The following BAZ2B variants were observed in gnomAD, a reference collection of about 807,000 sequenced individuals.
The protein encoded by BAZ2B is bromodomain adjacent to zinc finger domain protein 2B.
In BAZ2B, 91 loss-of-function variants were observed where a neutral mutation model predicts 246.0. The observed-to-expected ratio is 0.37, with a 90% CI of 0.31 to 0.44. The LOEUF is 0.44. BAZ2B is among the 20% of genes least tolerant of loss of function. The pLI, the probability that BAZ2B is intolerant of heterozygous loss-of-function variation, is 1.00. For missense variants in BAZ2B, 2,332 were observed against 2,533.7 expected, an observed-to-expected ratio of 0.92 and a Z score of 1.71; for synonymous variants, 855 against 860.0, an observed-to-expected ratio of 0.99 and a Z score of 0.10.
chr2:159,347,646 A>G lies in BAZ2B; in HGVS notation c.5294T>C (p.Val1765Ala), dbSNP rs747346277. 3.9e-5 allele frequency: 62 copies of G among 1,594,116 alleles called. No homozygotes were observed. The Admixed American group carries it at 1.0e-3, about 27-fold the overall frequency. ...ATTTTCATTCAGTTCAATAATAGCA[A>G]CTACATTTAAAAAGAAATTAATTTA... The part of the protein sequence containing the change: ...ITQACLKNKD[V>A]AIIELNENEE... Residue 1765 changes from valine (V) to alanine (A), a missense_variant and splice_region_variant, in exon 31 of 37, where the codon GTT becomes GCT. Val to Ala is a moderately conservative substitution (Grantham distance 64, BLOSUM62 0). Around this residue, in one of 9 missense-constraint regions of BAZ2B, gnomAD observed 676 missense variants for 668.6 expected, o/e 1.01. Coordinates refer to ENST00000392783, the MANE Select transcript of BAZ2B (RefSeq NM_013450.4).
intron 18 of BAZ2B, chr2:159,398,082 G>GT (rs1312960962): frequency 4.6e-5 from 7 of 152,072 alleles, no homozygotes; most frequent in African/African-American, 1.7e-4. Flanking sequence ...AAAAAATAAA[G>GT]TAAGACAGTC....
chr2:159,559,655 T>C (rs554948820), intron 1 of BAZ2B, among the ~76,000 whole-genome samples: 4 of 152,266 alleles, frequency 2.6e-5, no homozygotes, highest in Non-Finnish European at 5.9e-5. Context: ...ATACATGACT[T>C]AATAGGTACT....
At chr2:159,570,220 TGTGGCCCAGGCTGGAGTGCA>T (rs1683650515) in intron 1 of BAZ2B, among the ~76,000 whole-genome samples, 1 of 151,566 alleles carries the variant, frequency 6.6e-6, no homozygotes, top group African/African-American at 2.4e-5. Context: ...ACTCTCGCTC[TGTGGCCCAGGCTGGAGTGCA>T]GTGGCGCAAT....
At chr2:159,584,076 T>C (rs1278417556) in intron 1 of BAZ2B, among the ~76,000 whole-genome samples, 2 of 151,910 alleles carry the variant, frequency 1.3e-5, no homozygotes, top group African/African-American at 2.4e-5. Context: ...GTAAGATCAT[T>C]GTAAAGTCAT....
intron 3 of BAZ2B, among the ~76,000 whole-genome samples, chr2:159,473,953 C>G (rs920681591): frequency 2.0e-5 from 3 of 152,142 alleles, no homozygotes; most frequent in Non-Finnish European, 4.4e-5. Flanking sequence ...TGTTCTTTTG[C>G]ACTTGCTGAG....
chr2:159,598,970 T>A (rs111280805), intron 1 of BAZ2B, among the ~76,000 whole-genome samples: 293 of 152,208 alleles, frequency 1.9e-3, no homozygotes, highest in African/African-American at 6.9e-3. Flanking sequence ...TAACTGGGTG[T>A]GGTGGCTCAT....
intron 20 of BAZ2B, 78 bp downstream of exon 20, chr2:159,395,691 T>A (rs933968039): frequency 1.5e-6 from 2 of 1,318,294 alleles, no homozygotes; most frequent in East Asian, 5.1e-5. Flanking sequence ...TTCTGAAAAA[T>A]TTATATTTAG....
intron 3 of BAZ2B, among the ~76,000 whole-genome samples, chr2:159,457,304 T>C (rs745803047): frequency 6.6e-6 from 1 of 152,214 alleles, no homozygotes; most frequent in African/African-American, 2.4e-5. Context: ...AGTTTGTTAA[T>C]ATTTCAGTAT....
downstream of BAZ2B, among the ~76,000 whole-genome samples, chr2:159,316,639 G>A (rs1331667827): frequency 6.6e-5 from 8 of 121,896 alleles, no homozygotes; most frequent in Admixed American, 8.0e-4. Flanking sequence ...GCAGTGAGCC[G>A]AGATTGCACC....
chr2:159,428,423 C>T lies in BAZ2B; in HGVS notation c.2256-4G>A. On this transcript the variant is annotated splice_polypyrimidine_tract_variant and splice_region_variant and intron_variant, in intron 11 of 36. Coordinates refer to ENST00000392783, the MANE Select transcript of BAZ2B (RefSeq NM_013450.4). ...TATTCTTGTCTCTCTCTGCCAGCTA[C>T]ACATAACAGAAATGAAGGTTATGAC... is the stretch of plus-strand genomic sequence containing the variant. 1.2e-6 allele frequency: 2 copies of T among 1,605,696 alleles called. No individual in the cohort carries two copies. The highest frequency in any genetic ancestry group is 1.7e-6 in the Non-Finnish European group (2 of 1,174,272).
the BAZ2B span, among the ~76,000 whole-genome samples, chr2:159,667,755 C>T: frequency 3.9e-5 from 6 of 152,068 alleles, no homozygotes; most frequent in South Asian, 2.1e-4. Flanking sequence ...CATTGGTCCA[C>T]GGGCTTTTCA....
At chr2:159,345,663 T>C (rs2067661788) in intron 31 of BAZ2B, among the ~76,000 whole-genome samples, 2 of 152,246 alleles carry the variant, frequency 1.3e-5, no homozygotes, top group Middle Eastern at 3.4e-3. Context: ...CAACCAACAG[T>C]CAACTAGAAT....
intron 3 of BAZ2B, among the ~76,000 whole-genome samples, chr2:159,471,442 T>A (rs980919376): frequency 6.6e-6 from 1 of 151,828 alleles, no homozygotes; most frequent in African/African-American, 2.4e-5. Flanking sequence ...CAAAAAAAAA[T>A]TTTAAAAATT....
At chr2:159,586,936 CCCT>C (rs1688142137) in intron 1 of BAZ2B, among the ~76,000 whole-genome samples, 1 of 152,134 alleles carries the variant, frequency 6.6e-6, no homozygotes, top group African/African-American at 2.4e-5. Context: ...TTTCTCTCCT[CCCT>C]CAAGTACATC....
intron 6 of BAZ2B, chr2:159,444,394 T>C (rs2073934678): frequency 6.6e-6 from 1 of 152,216 alleles, no homozygotes; most frequent in African/African-American, 2.4e-5. Context: ...TCAAGCTTCT[T>C]AGCATTACCA....
chr2:159,341,997 G>A (rs372379107), intron 31 of BAZ2B, among the ~76,000 whole-genome samples: 95 of 152,132 alleles, frequency 6.2e-4, no homozygotes, highest in African/African-American at 1.8e-3. Context: ...CAAATTAGTA[G>A]AAGGAAAGAA....
intron 27 of BAZ2B, among the ~76,000 whole-genome samples, chr2:159,361,514 T>C (rs914226306): frequency 6.6e-6 from 1 of 152,336 alleles, no homozygotes; most frequent in South Asian, 2.1e-4. Flanking sequence ...TAGTGTACAT[T>C]AGTTCAACCA....
In BAZ2B at chr2:159,431,284, C is replaced by T. The variant is rs527875802; in HGVS notation, c.1901-128G>A. On this transcript the variant is annotated intron_variant, in intron 9 of 36. Coordinates refer to ENST00000392783, the MANE Select transcript of BAZ2B (RefSeq NM_013450.4). Reference sequence around the variant, plus strand: ...AGAACTCAAATGAGCAATTTTCCTACAGAGTAAATGTTATAAGCTATTTGA... The same window carrying T: ...AGAACTCAAATGAGCAATTTTCCTATAGAGTAAATGTTATAAGCTATTTGA... 1.1e-5 allele frequency: 15 copies of T among 1,329,056 alleles called. No individual in the cohort carries two copies. In the African/African-American group the frequency reaches 1.8e-4, roughly 16 times the overall value. 82.3% of individuals were successfully genotyped at this position (1,329,056 alleles called of 1,614,324 possible).
chr2:159,701,505 T>A, the BAZ2B span, among the ~76,000 whole-genome samples: 2 of 151,664 alleles, frequency 1.3e-5, no homozygotes, highest in South Asian at 4.1e-4. Context: ...AATTCAAACT[T>A]TAAAAAAATT....
Sources: gnomAD v4.1 joint callset for allele counts (sites outside exome capture counted in the v4.1 genomes callset) on GRCh38, gnomAD v4.1.1 for gene constraint, gnomAD v4.1.1 regional missense constraint, MANE v1.5 for transcripts, NCBI Gene and HGNC (gene_info 2026-07-23, HGNC 2026-07-21) for gene names.